The following ZNG1F variants were observed in gnomAD, a reference collection of about 807,000 sequenced individuals.
ZNG1F encodes the protein Zn regulated GTPase metalloprotein activator 1F.
the ZNG1F span, among the ~76,000 whole-genome samples, chr9:41,199,758 TC>T: frequency 6.6e-6 from 1 of 152,090 alleles, no homozygotes; most frequent in Non-Finnish European, 1.5e-5. Flanking sequence ...AACTTCTACA[TC>T]TTCTGATATC....
chr9:41,150,254 G>T, the ZNG1F span, among the ~76,000 whole-genome samples: 1 of 149,148 alleles, frequency 6.7e-6, no homozygotes, highest in Non-Finnish European at 1.5e-5. Context: ...CGAATACTGC[G>T]CTTTTCTGAC....
At chr9:41,145,595 C>G in the ZNG1F span, 2 of 281,812 alleles carry the variant, frequency 7.1e-6, no homozygotes, top group Non-Finnish European at 1.3e-5. Context: ...TTTAGCAACA[C>G]TATTTTGTAT....
chr9:41,146,403 CA>C, the ZNG1F span, among the ~76,000 whole-genome samples: 50 of 2,536 alleles, frequency 0.02, 1 homozygote, highest in East Asian at 0.048. Context: ...TCATACGCAG[CA>C]AAAAAAAAAA....
chr9:41,139,436 A>AT, the ZNG1F span, among the ~76,000 whole-genome samples: 3 of 144,944 alleles, frequency 2.1e-5, no homozygotes, highest in African/African-American at 7.6e-5. Context: ...TTAATGTACT[A>AT]TTTTTGTGCT....
At chr9:41,180,094 TTTAA>T in the ZNG1F span, among the ~76,000 whole-genome samples, 2 of 93,730 alleles carry the variant, frequency 2.1e-5, no homozygotes, top group East Asian at 6.8e-4. Context: ...AATAAATATT[TTTAA>T]TTAAGGTATG....
the ZNG1F span, among the ~76,000 whole-genome samples, chr9:41,184,064 T>C: frequency 1.3e-5 from 2 of 151,172 alleles, no homozygotes; most frequent in African/African-American, 4.9e-5. Context: ...TCTATCTTTT[T>C]CTTTTCATTC....
chr9:41,159,205 C>A, the ZNG1F span, among the ~76,000 whole-genome samples: 5 of 150,504 alleles, frequency 3.3e-5, no homozygotes, highest in East Asian at 9.9e-4. Flanking sequence ...GTCTCATAAA[C>A]AGGGTGCACC....
the ZNG1F span, among the ~76,000 whole-genome samples, chr9:41,173,796 T>C: frequency 7.1e-6 from 1 of 141,746 alleles, no homozygotes; most frequent in African/African-American, 2.6e-5. Context: ...GTTCCACCAC[T>C]GTCTGGGGTT....
chr9:41,141,059 C>T, the ZNG1F span, among the ~76,000 whole-genome samples: 1 of 150,824 alleles, frequency 6.6e-6, no homozygotes, highest in South Asian at 2.1e-4. Context: ...TTGCTTTTAA[C>T]AGGTTAAATA....
At chr9:41,204,376 T>C in the ZNG1F span, among the ~76,000 whole-genome samples, 1 of 90,670 alleles carries the variant, frequency 1.1e-5, no homozygotes, top group South Asian at 4.5e-4. Context: ...TATTTATATA[T>C]AAATTTTTAT....
At chr9:41,139,614 G>A in the ZNG1F span, among the ~76,000 whole-genome samples, 10 of 151,522 alleles carry the variant, frequency 6.6e-5, no homozygotes, top group African/African-American at 2.4e-4. Context: ...TGCTTGATAA[G>A]AGAAGTACAA....
chr9:41,150,409 A>G, the ZNG1F span, among the ~76,000 whole-genome samples: 1 of 142,774 alleles, frequency 7.0e-6, no homozygotes. Flanking sequence ...GGCGCCCGCC[A>G]TTGCCCAGGC....
the ZNG1F span, among the ~76,000 whole-genome samples, chr9:41,180,168 CTT>C: frequency 3.5e-3 from 58 of 16,786 alleles, 1 homozygote; most frequent in Admixed American, 3.9e-3. Context: ...ATAAACACAG[CTT>C]TTTTTTTTTT....
the ZNG1F span, among the ~76,000 whole-genome samples, chr9:41,154,806 G>A: frequency 2.8e-4 from 42 of 150,212 alleles, 2 homozygotes; most frequent in African/African-American, 9.1e-4. Flanking sequence ...GCCATATGTC[G>A]AAAGCTGAAA....
chr9:41,159,395 T>C, the ZNG1F span, among the ~76,000 whole-genome samples: 1 of 138,656 alleles, frequency 7.2e-6, no homozygotes, highest in Non-Finnish European at 1.6e-5. Flanking sequence ...ACAAAACTAA[T>C]CACATTTTCC....
the ZNG1F span, among the ~76,000 whole-genome samples, chr9:41,162,674 G>GA: frequency 1.3e-5 from 1 of 78,816 alleles, no homozygotes; most frequent in African/African-American, 3.7e-5. Context: ...CTTCACTTTA[G>GA]AAAAAATCAT....
the ZNG1F span, chr9:41,198,877 CAAGAG>C: frequency 5.7e-5 from 1 of 17,690 alleles, no homozygotes; most frequent in East Asian, 1.0e-3. Flanking sequence ...TGGAAGCAGA[CAAGAG>C]AAGAGAGCTT....
At chr9:41,195,113 TA>T in the ZNG1F span, 1 of 71,360 alleles carries the variant, frequency 1.4e-5, no homozygotes, top group South Asian at 5.9e-4. Context: ...AACAACATAC[TA>T]GTGGCCAGCA....
the ZNG1F span, chr9:41,158,336 CA>C: frequency 5.2e-5 from 7 of 135,166 alleles, no homozygotes; most frequent in Non-Finnish European, 1.1e-4. Context: ...GATTCTGTCT[CA>C]AAAAGATAAA....
Sources: gnomAD v4.1 joint callset for allele counts (sites outside exome capture counted in the v4.1 genomes callset) on GRCh38, gnomAD v4.1.1 for gene constraint, MANE v1.5 for transcripts, NCBI Gene and HGNC (gene_info 2026-07-23, HGNC 2026-07-21) for gene names.